Variants in PIGBOS1 observed in about 807,000 individuals in gnomAD.
PIGBOS1 encodes protein PIGBOS1.
At chr15:55,318,716 A>G (rs886237394) in intron 1 of PIGBOS1, 148 bp downstream of exon 1, 3 of 106,486 alleles carry the variant, frequency 2.8e-5, no homozygotes, top group African/African-American at 2.0e-4. Flanking sequence ...AAAAAAACAA[A>G]AACAAAAACA....
chr15:55,318,100 T>C (rs2055070462), intron 1 of PIGBOS1, among the ~76,000 whole-genome samples: 1 of 52,368 alleles, frequency 1.9e-5, no homozygotes, highest in Admixed American at 1.8e-4. Flanking sequence ...TACTTTTTCT[T>C]TTTTTTTTTT....
Position 55,319,082 on chromosome 15 carries a change from A to G in PIGBOS1, c.-294T>C. On this transcript the variant is annotated 5_prime_UTR_variant, in exon 1 of 2. Coordinates refer to ENST00000436697, the MANE Select transcript of PIGBOS1 (RefSeq NM_001308421.2). ...GCAATCCCTCGGTTCGGAAACGGCG[A>G]AAGGAAACCGCAAGGAGGCCACCAC... 1.3e-6 allele frequency: 1 copy of G among 789,566 alleles called. No individual in the cohort carries two copies. The highest frequency in any genetic ancestry group is 1.9e-6 in the Non-Finnish European group (1 of 521,096). 48.9% of individuals were successfully genotyped at this position (789,566 alleles called of 1,614,324 possible).
chr15:55,317,975 CTAAT>C (rs1446526999), intron 1 of PIGBOS1, 108 bp from the exon 2 acceptor site: 1 of 355,022 alleles, frequency 2.8e-6, no homozygotes, highest in Non-Finnish European at 5.0e-6. Flanking sequence ...TAATATGTTA[CTAAT>C]TAAAACAAGA....
At position 55,318,998 on chromosome 15, in the gene PIGBOS1, G is replaced by A. The variant is rs1297387481; in HGVS notation, c.-210C>T. On this transcript the variant is annotated 5_prime_UTR_variant, in exon 1 of 2. Transcript: ENST00000436697. The stretch of plus-strand genomic sequence containing the variant: ...CCGCCTGCTCCCCTCCAGAGACCGG[G>A]GGCCTTCCAGCAGTTTTCGGACCCC... The A allele has an allele frequency of 8.6e-6, 4 of 463,282 alleles. No homozygotes were observed. In the East Asian group the frequency reaches 1.1e-4, roughly 13 times the overall value. The allele number at this position is 463,282 out of a possible 1,614,324, so 28.7% of individuals were successfully genotyped here.
rs1319667537 is a variant in PIGBOS1 at position 55,317,798 on chromosome 15, CA to C, written c.-7del. The C allele has an allele frequency of 2.5e-6, 1 of 398,014 alleles. No individual in the cohort carries two copies. 24.7% of individuals were successfully genotyped at this position (398,014 alleles called of 1,614,324 possible). A position where few individuals can be genotyped will look rare whatever the true frequency, so the allele number is the denominator to read the frequency against. ...AAAGTCAATCTCCTAAACATTGCTGCAACAAATACAGCTCAAGGAAAAGCTG... is the reference window on the plus strand; with the variant it reads ...AAAGTCAATCTCCTAAACATTGCTGCACAAATACAGCTCAAGGAAAAGCTG... On this transcript the variant is annotated 5_prime_UTR_variant, in exon 2 of 2. Coordinates refer to ENST00000436697, the MANE Select transcript of PIGBOS1 (RefSeq NM_001308421.2).
At chr15:55,317,938 T>G (rs1465364582) in intron 1 of PIGBOS1, 71 bp from the exon 2 acceptor site, 4 of 383,158 alleles carry the variant, frequency 1.0e-5, no homozygotes, top group African/African-American at 2.1e-5. Context: ...ATGTCACTAC[T>G]TTGCACTGGA....
At position 55,319,017 on chromosome 15, in the gene PIGBOS1, G is replaced by A; in HGVS notation, c.-229C>T. Reference sequence around the variant, plus strand: ...GACCGGGGGCCTTCCAGCAGTTTTCGGACCCCCGAGCACAGAGACCGCCAA... The same window carrying A: ...GACCGGGGGCCTTCCAGCAGTTTTCAGACCCCCGAGCACAGAGACCGCCAA... On this transcript the variant is annotated 5_prime_UTR_variant, in exon 1 of 2. Coordinates refer to ENST00000436697, the MANE Select transcript of PIGBOS1 (RefSeq NM_001308421.2). 1 of 496,442 alleles carries A rather than the reference G, an allele frequency of 2.0e-6. No homozygotes were observed. The allele number at this position is 496,442 out of a possible 1,614,324, so 30.8% of individuals were successfully genotyped here.
rs1047907741 is a variant in PIGBOS1, at chr15:55,318,881, A to G, written c.-93T>C. On this transcript the variant is annotated 5_prime_UTR_variant, in exon 1 of 2. Transcript: ENST00000436697. ...CAACGAACCTGAAATGTTAACACCA[A>G]CACTGACGTCTACAATTACCGTTAC... 1 of 199,520 alleles carries G rather than the reference A, an allele frequency of 5.0e-6. No individual in the cohort carries two copies. Among genetic ancestry groups the G allele is most frequent in the Non-Finnish European group, 1.0e-5 (1 of 96,986 alleles). 12.4% of individuals were successfully genotyped at this position (199,520 alleles called of 1,614,324 possible).
chr15:55,318,677 G>A (rs1038787860), intron 1 of PIGBOS1, among the ~76,000 whole-genome samples, 187 bp downstream of exon 1: 1 of 145,748 alleles, frequency 6.9e-6, no homozygotes. Flanking sequence ...CTCCAGCCTG[G>A]ACTACAAGAG....
At position 55,317,417 on chromosome 15, in the gene PIGBOS1, T is replaced by TGA. The variant is rs1461609357; in HGVS notation, c.*209_*210dup. ...GCCACCTCTGCCTCCCAGGTTCAAG[T>TGA]GATGCTCCTGCCTCAGCCTCCCAAG... On this transcript the variant is annotated 3_prime_UTR_variant, in exon 2 of 2. Transcript: ENST00000436697. The TGA allele has an allele frequency of 4.3e-6, 1 of 233,860 alleles. No individual in the cohort carries two copies. Among genetic ancestry groups the TGA allele is most frequent in the African/African-American group, 2.3e-5 (1 of 44,386 alleles). The allele number at this position is 233,860 out of a possible 1,614,324, so 14.5% of individuals were successfully genotyped here.
rs2055063941 is a variant in PIGBOS1 at position 55,317,860 on chromosome 15, C to T, written c.-68G>A. ...GTCACACTCCACACCCAGGAAATCTCTTCAAATCTGCATACAAAAATGGAA... is the reference window on the plus strand; with the variant it reads ...GTCACACTCCACACCCAGGAAATCTTTTCAAATCTGCATACAAAAATGGAA... On this transcript the variant is annotated 5_prime_UTR_variant, in exon 2 of 2. Coordinates refer to ENST00000436697, the MANE Select transcript of PIGBOS1 (RefSeq NM_001308421.2). 2 of 394,796 alleles carry T rather than the reference C, an allele frequency of 5.1e-6. No individual in the cohort carries two copies. The highest frequency in any genetic ancestry group is 7.2e-5 in the East Asian group (2 of 27,924). 24.5% of individuals were successfully genotyped at this position (394,796 alleles called of 1,614,324 possible).
intron 1 of PIGBOS1, among the ~76,000 whole-genome samples, chr15:55,318,443 G>A (rs1293384785): frequency 6.8e-6 from 1 of 146,430 alleles, no homozygotes; most frequent in East Asian, 2.3e-4. Context: ...GGTGGCTCAC[G>A]CCTGTAATCC....
chr15:55,318,707 AAAAAAC>A (rs1224330323), intron 1 of PIGBOS1, among the ~76,000 whole-genome samples, 151 bp downstream of exon 1: 4 of 121,112 alleles, frequency 3.3e-5, no homozygotes, highest in Non-Finnish European at 6.3e-5. Context: ...GTCTCAAAAA[AAAAAAC>A]AAAAACAAAA....
At chr15:55,318,719 C>CAA (rs1479888955) in intron 1 of PIGBOS1, 145 bp downstream of exon 1, 1 of 103,872 alleles carries the variant, frequency 9.6e-6, no homozygotes, top group African/African-American at 6.7e-5. Context: ...AAAACAAAAA[C>CAA]AAAAACAAAA....
intron 1 of PIGBOS1, among the ~76,000 whole-genome samples, 157 bp downstream of exon 1, chr15:55,318,707 A>AC (rs1238800084): frequency 8.3e-6 from 1 of 121,112 alleles, no homozygotes; most frequent in African/African-American, 4.3e-5. Flanking sequence ...GTCTCAAAAA[A>AC]AAAAACAAAA....
In PIGBOS1 at chr15:55,318,939, G is replaced by A; in HGVS notation, c.-151C>T. 3.1e-6 allele frequency: 1 copy of A among 324,348 alleles called. No homozygotes were observed. The highest frequency in any genetic ancestry group is 5.7e-6 in the Non-Finnish European group (1 of 174,140). 20.1% of individuals were successfully genotyped at this position (324,348 alleles called of 1,614,324 possible). On this transcript the variant is annotated 5_prime_UTR_variant, in exon 1 of 2. Coordinates refer to ENST00000436697, the MANE Select transcript of PIGBOS1 (RefSeq NM_001308421.2). ...AATAACCACTCAGGTACCTCCGACTGTTCTGCGCCTGCTCCACGTCACTAA... is the reference window on the plus strand; with the variant it reads ...AATAACCACTCAGGTACCTCCGACTATTCTGCGCCTGCTCCACGTCACTAA...
At chr15:55,317,971 G>A (rs1310529809) in intron 1 of PIGBOS1, 104 bp from the exon 2 acceptor site, 1 of 354,586 alleles carries the variant, frequency 2.8e-6, no homozygotes, top group Non-Finnish European at 5.0e-6. Context: ...TTTATAATAT[G>A]TTACTAATTA....
At position 55,317,552 on chromosome 15, in the gene PIGBOS1, A is replaced by T. The variant is rs1197856872; in HGVS notation, c.*76T>A. ...CTGGTCTTGAACTCCTGACCACCTGATCCACCCGCCTCGGCCTCCCAAAGT... is the reference window on the plus strand; with the variant it reads ...CTGGTCTTGAACTCCTGACCACCTGTTCCACCCGCCTCGGCCTCCCAAAGT... On this transcript the variant is annotated 3_prime_UTR_variant, in exon 2 of 2. Transcript: ENST00000436697. 2.7e-6 allele frequency: 1 copy of T among 371,120 alleles called. No individual in the cohort carries two copies. The highest frequency in any genetic ancestry group is 4.8e-6 in the Non-Finnish European group (1 of 208,454). The allele number at this position is 371,120 out of a possible 1,614,324, so 23.0% of individuals were successfully genotyped here. A position where few individuals can be genotyped will look rare whatever the true frequency, so the allele number is the denominator to read the frequency against.
chr15:55,317,434 C>G lies in PIGBOS1; in HGVS notation c.*194G>C. 4.0e-6 allele frequency: 1 copy of G among 250,120 alleles called. No individual in the cohort carries two copies. Among genetic ancestry groups the G allele is most frequent in the Non-Finnish European group, 7.6e-6 (1 of 131,772 alleles). The allele number at this position is 250,120 out of a possible 1,614,324, so 15.5% of individuals were successfully genotyped here. A position where few individuals can be genotyped will look rare whatever the true frequency, so the allele number is the denominator to read the frequency against. ...GGTTCAAGTGATGCTCCTGCCTCAG[C>G]CTCCCAAGTAGCTGGGATTACAGGC... On this transcript the variant is annotated 3_prime_UTR_variant, in exon 2 of 2. Coordinates refer to ENST00000436697, the MANE Select transcript of PIGBOS1 (RefSeq NM_001308421.2).
Sources: gnomAD v4.1 joint callset for allele counts (sites outside exome capture counted in the v4.1 genomes callset) on GRCh38, gnomAD v4.1.1 for gene constraint, MANE v1.5 for transcripts, NCBI Gene and HGNC (gene_info 2026-07-23, HGNC 2026-07-21) for gene names.